Variants in CEP57L1 observed in about 807,000 individuals in gnomAD.
CEP57L1 encodes the protein centrosomal protein 57 like 1, also known as centrosomal protein CEP57L1.
Under a neutral mutation model 61.0 loss-of-function variants are expected in CEP57L1, and 37 were observed. The ratio of observed to expected loss-of-function variants is 0.61; its 90% CI spans 0.47 to 0.80. CEP57L1 has a LOEUF of 0.80. CEP57L1 is among the 30% of genes least tolerant of loss of function. The pLI is 0.00. For synonymous variants in CEP57L1, 137 were observed against 162.3 expected (o/e 0.84, Z 1.19); for missense variants, 422 against 524.7 (o/e 0.80, Z 1.91).
intron 1 of CEP57L1, among the ~76,000 whole-genome samples, chr6:109,134,538 A>T (rs1461357370): frequency 6.6e-6 from 1 of 152,226 alleles, no homozygotes; most frequent in East Asian, 1.9e-4. Flanking sequence ...CTCCTATTCA[A>T]CATAGTATTG....
chr6:109,121,390 A>G (rs1370531897), intron 1 of CEP57L1, among the ~76,000 whole-genome samples: 1 of 152,236 alleles, frequency 6.6e-6, no homozygotes, highest in Non-Finnish European at 1.5e-5. Flanking sequence ...GTTTGAATTA[A>G]GAAAAGACTG....
In CEP57L1 at chr6:109,169,012, G is replaced by A. The variant is rs548218367; in HGVS notation, c.*6042G>A. Among the ~76,000 whole-genome samples the A allele has an allele frequency of 6.6e-6, 1 of 151,686 alleles. No homozygotes were observed. Among genetic ancestry groups the A allele is most frequent in the East Asian group, 2.0e-4 (1 of 5,110 alleles). ...AGGCCGAGGCGGGCAGATTGCCTGA[G>A]CTCAGGAGTTCAAGACCACCCTGGG... On this transcript the variant is annotated 3_prime_UTR_variant, in exon 11 of 11. Transcript: ENST00000517392.
At chr6:109,136,404 G>A (rs1056118636) in intron 1 of CEP57L1, among the ~76,000 whole-genome samples, 1 of 152,236 alleles carries the variant, frequency 6.6e-6, no homozygotes, top group African/African-American at 2.4e-5. Flanking sequence ...ATCACACACC[G>A]GGGCCTGTTG....
intron 7 of CEP57L1, chr6:109,158,447 C>T (rs1457817514): frequency 2.9e-6 from 1 of 340,914 alleles, no homozygotes; most frequent in Non-Finnish European, 5.6e-6. Flanking sequence ...CAAGATCATA[C>T]CACTGCACCC....
At chr6:109,150,942 G>A (rs1353435445) in intron 4 of CEP57L1, among the ~76,000 whole-genome samples, 1 of 152,146 alleles carries the variant, frequency 6.6e-6, no homozygotes, top group Non-Finnish European at 1.5e-5. Flanking sequence ...AAGGACATCA[G>A]ACAGAAGGAA....
At chr6:109,150,554 C>T (rs1022263331) in intron 4 of CEP57L1, among the ~76,000 whole-genome samples, 5 of 151,732 alleles carry the variant, frequency 3.3e-5, no homozygotes, top group East Asian at 1.9e-4. Flanking sequence ...CTCAGCTACT[C>T]AGGAGGCTGA....
At chr6:109,142,190 A>G (rs151260301) in intron 1 of CEP57L1, among the ~76,000 whole-genome samples, 2 of 152,364 alleles carry the variant, frequency 1.3e-5, no homozygotes, top group Admixed American at 1.3e-4. Flanking sequence ...GCTGTCAAGA[A>G]TGGTTTCAGG....
At chr6:109,132,208 A>G (rs1268013824) in intron 1 of CEP57L1, among the ~76,000 whole-genome samples, 1 of 152,196 alleles carries the variant, frequency 6.6e-6, no homozygotes, top group Non-Finnish European at 1.5e-5. Context: ...CTCTGAAGAA[A>G]AGTGCTTTAA....
chr6:109,104,122 TA>T (rs971354200), intron 1 of CEP57L1, among the ~76,000 whole-genome samples: 5 of 151,812 alleles, frequency 3.3e-5, no homozygotes, highest in African/African-American at 1.2e-4. Flanking sequence ...CTTTGTCTTT[TA>T]AAAAAATGTT....
chr6:109,098,564 A>G (rs565899984), intron 1 of CEP57L1, among the ~76,000 whole-genome samples: 1 of 152,192 alleles, frequency 6.6e-6, no homozygotes, highest in East Asian at 1.9e-4. Flanking sequence ...TCTCCCAGGT[A>G]GTTGGGACTA....
chr6:109,121,589 G>T (rs1411052197), intron 1 of CEP57L1, among the ~76,000 whole-genome samples: 1 of 152,090 alleles, frequency 6.6e-6, no homozygotes. Flanking sequence ...CATCATCTTT[G>T]GCAGGAACAA....
intron 1 of CEP57L1, among the ~76,000 whole-genome samples, chr6:109,110,506 T>C (rs1440610069): frequency 6.6e-6 from 1 of 152,244 alleles, no homozygotes; most frequent in African/African-American, 2.4e-5. Flanking sequence ...TTTCTTTTGC[T>C]ATGCAGAAGC....
intron 1 of CEP57L1, among the ~76,000 whole-genome samples, chr6:109,121,079 C>T (rs1772917216): frequency 6.6e-6 from 1 of 152,078 alleles, no homozygotes; most frequent in Non-Finnish European, 1.5e-5. Context: ...ATCATTTGCT[C>T]TAGACAGGAC....
rs1774240642 is a variant in CEP57L1 at position 109,168,533 on chromosome 6, T to C, written c.*5563T>C. On this transcript the variant is annotated 3_prime_UTR_variant, in exon 11 of 11. Transcript: ENST00000517392. ...GGTTGGATCCAGTCAGTGTTTTTCA[T>C]AGTACATACAGTCATACCGGTGGAT... Among the ~76,000 whole-genome samples, 1 of 152,002 alleles carries C rather than the reference T, an allele frequency of 6.6e-6. No homozygotes were observed. The highest frequency in any genetic ancestry group is 2.1e-4 in the South Asian group (1 of 4,818).
At chr6:109,129,613 G>C in intron 1 of CEP57L1, 1 of 430,962 alleles carries the variant, frequency 2.3e-6, no homozygotes, top group Non-Finnish European at 4.7e-6. Context: ...TGCTTACAGA[G>C]GTGTGGCTAA....
At chr6:109,107,924 CAGAG>C (rs1188081994) in intron 1 of CEP57L1, among the ~76,000 whole-genome samples, 1 of 151,828 alleles carries the variant, frequency 6.6e-6, no homozygotes, top group African/African-American at 2.4e-5. Flanking sequence ...TTGGGCGACA[CAGAG>C]AGACTCTGTA....
At chr6:109,101,987 G>A (rs1019652591) in intron 1 of CEP57L1, among the ~76,000 whole-genome samples, 4 of 152,080 alleles carry the variant, frequency 2.6e-5, no homozygotes, top group African/African-American at 9.7e-5. Context: ...TTCCTGTTGC[G>A]CCCCACCTTT....
At chr6:109,122,062 T>C (rs947374563) in intron 1 of CEP57L1, among the ~76,000 whole-genome samples, 12 of 152,232 alleles carry the variant, frequency 7.9e-5, no homozygotes, top group Non-Finnish European at 1.8e-4. Flanking sequence ...TTTGTAATCA[T>C]TATTGGCCTC....
intron 1 of CEP57L1, among the ~76,000 whole-genome samples, chr6:109,097,732 G>T (rs1781876728): frequency 1.3e-5 from 2 of 152,208 alleles, no homozygotes; most frequent in Non-Finnish European, 2.9e-5. Context: ...ACTGGGAAGG[G>T]GAATGGGGAG....
Sources: allele counts gnomAD v4.1 joint callset (sites outside exome capture counted in the v4.1 genomes callset), GRCh38; gene constraint gnomAD v4.1.1; transcripts MANE v1.5; gene names NCBI Gene and HGNC (gene_info 2026-07-23, HGNC 2026-07-21).